Variants in LMNTD1 observed in about 807,000 individuals in gnomAD.
The protein encoded by LMNTD1 is lamin tail domain-containing protein 1.
Under a neutral mutation model 50.9 loss-of-function variants are expected in LMNTD1, and 35 were observed. The observed-to-expected ratio is 0.69, with a 90% CI of 0.53 to 0.91. The LOEUF (loss-of-function observed/expected upper bound fraction) is 0.91, where lower values mean the gene tolerates loss of function less well. Ranked by LOEUF, LMNTD1 falls within the 40% of genes least tolerant of loss-of-function variation. LMNTD1 has a pLI of 0.00. For missense variants in LMNTD1, 470 were observed against 475.5 expected (o/e 0.99, Z 0.11); for synonymous variants, 153 against 161.9 (o/e 0.94, Z 0.42).
chr12:25,573,322 C>T (rs1442942431), intron 1 of LMNTD1, among the ~76,000 whole-genome samples: 4 of 152,170 alleles, frequency 2.6e-5, no homozygotes. Flanking sequence ...CAACCCTTCT[C>T]AGCTGTCTCT....
intron 4 of LMNTD1, among the ~76,000 whole-genome samples, chr12:25,542,653 A>G (rs1487718773): frequency 2.0e-5 from 3 of 151,812 alleles, no homozygotes; most frequent in South Asian, 2.1e-4. Context: ...GCACACTAGC[A>G]TGGCATATGT....
chr12:25,543,167 C>T (rs979669272), intron 4 of LMNTD1, among the ~76,000 whole-genome samples: 1 of 151,834 alleles, frequency 6.6e-6, no homozygotes, highest in Non-Finnish European at 1.5e-5. Flanking sequence ...GCCCAGATGG[C>T]TTCACCAATA....
At chr12:25,594,208 A>G (rs1337448089) in intron 1 of LMNTD1, among the ~76,000 whole-genome samples, 1 of 152,206 alleles carries the variant, frequency 6.6e-6, no homozygotes, top group African/African-American at 2.4e-5. Flanking sequence ...AAGAAGCTCA[A>G]AGAACACCTG....
intron 1 of LMNTD1, among the ~76,000 whole-genome samples, chr12:25,573,397 G>A (rs1182406799): frequency 1.3e-5 from 2 of 152,142 alleles, no homozygotes; most frequent in Non-Finnish European, 2.9e-5. Context: ...TGAGAATTCA[G>A]GCTGGCAGGA....
chr12:25,550,664 G>A (rs1943692355), intron 2 of LMNTD1, among the ~76,000 whole-genome samples: 1 of 152,104 alleles, frequency 6.6e-6, no homozygotes, highest in African/African-American at 2.4e-5. Context: ...AGGAGAATGA[G>A]GGCCTGGAGT....
chr12:25,586,242 G>C (rs928293460), intron 1 of LMNTD1: 1 of 150,814 alleles, frequency 6.6e-6, no homozygotes, highest in Non-Finnish European at 1.5e-5. Context: ...TCCCCATGAT[G>C]ATACCTCTAC....
At chr12:25,488,887 T>A (rs983616142) in intron 9 of LMNTD1, among the ~76,000 whole-genome samples, 4 of 151,728 alleles carry the variant, frequency 2.6e-5, no homozygotes, top group Admixed American at 6.6e-5. Context: ...ATACCCTGCC[T>A]TGTGAGGTGT....
intron 6 of LMNTD1, among the ~76,000 whole-genome samples, chr12:25,525,848 C>T (rs1483019922): frequency 6.6e-6 from 1 of 152,046 alleles, no homozygotes; most frequent in Non-Finnish European, 1.5e-5. Context: ...CTAATGAGTG[C>T]TCTTCCATTT....
At chr12:25,526,697 C>A in intron 5 of LMNTD1, 72 bp downstream of exon 5, 1 of 1,038,530 alleles carries the variant, frequency 9.6e-7, no homozygotes, top group Admixed American at 2.4e-5. Flanking sequence ...CAGTGCTGAG[C>A]CACAGACTGT....
Position 25,549,361 on chromosome 12 carries a change from GTA to G in LMNTD1, c.273_274del (p.Thr92CysfsTer3). The G allele has an allele frequency of 3.7e-6, 6 of 1,611,388 alleles. No homozygotes were observed. Among genetic ancestry groups the G allele is most frequent in the Non-Finnish European group, 5.1e-6 (6 of 1,178,348 alleles). On this transcript the variant is annotated frameshift_variant, in exon 3 of 10. Coordinates refer to ENST00000458174, the MANE Select transcript of LMNTD1 (RefSeq NM_001145728.2). LOFTEE classifies it high-confidence loss of function. ...TTCCACTCTGGAACAGCTACCTACA[GTA>G]GCTTTAGAAGTCAATTGTCCAGTTG...
intron 1 of LMNTD1, among the ~76,000 whole-genome samples, chr12:25,634,810 A>T (rs1334143200): frequency 6.6e-6 from 1 of 152,206 alleles, no homozygotes; most frequent in African/African-American, 2.4e-5. Context: ...TATCCTGAGC[A>T]ATCAGACAAG....
chr12:25,547,108 A>G (rs1943479061), intron 3 of LMNTD1: 1 of 312,826 alleles, frequency 3.2e-6, no homozygotes, highest in African/African-American at 2.2e-5. Flanking sequence ...TCCTATTAGA[A>G]GTTTGCTCTT....
chr12:25,580,024 T>C (rs1945211547), intron 1 of LMNTD1, among the ~76,000 whole-genome samples: 1 of 152,078 alleles, frequency 6.6e-6, no homozygotes, highest in Non-Finnish European at 1.5e-5. Flanking sequence ...CTAAGACAAA[T>C]TTCATTATCA....
At chr12:25,516,400 T>C (rs1940778493) in intron 8 of LMNTD1, among the ~76,000 whole-genome samples, 1 of 152,278 alleles carries the variant, frequency 6.6e-6, no homozygotes, top group African/African-American at 2.4e-5. Flanking sequence ...GAAAAGTGCC[T>C]CAAAAATTTT....
chr12:25,559,075 TA>T (rs1944166486), intron 1 of LMNTD1, among the ~76,000 whole-genome samples: 1 of 152,078 alleles, frequency 6.6e-6, no homozygotes, highest in Non-Finnish European at 1.5e-5. Flanking sequence ...CTTTAAGTTC[TA>T]GGGTACATGT....
chr12:25,607,824 G>C (rs1049103177), intron 1 of LMNTD1, among the ~76,000 whole-genome samples: 11 of 152,158 alleles, frequency 7.2e-5, no homozygotes, highest in Admixed American at 6.5e-4. Flanking sequence ...ATTGGGGGTG[G>C]AGAGTTCTGT....
intron 9 of LMNTD1, among the ~76,000 whole-genome samples, chr12:25,490,905 C>T (rs1394628226): frequency 1.3e-5 from 2 of 152,204 alleles, no homozygotes; most frequent in African/African-American, 4.8e-5. Flanking sequence ...TAATGCAATG[C>T]AACTGCTGTA....
At chr12:25,520,508 T>C (rs1591889230) in intron 6 of LMNTD1, among the ~76,000 whole-genome samples, 1 of 152,306 alleles carries the variant, frequency 6.6e-6, no homozygotes, top group East Asian at 1.9e-4. Context: ...CTTATTTCAC[T>C]CAGCATAATG....
At chr12:25,560,022 G>C (rs1204551132) in intron 1 of LMNTD1, among the ~76,000 whole-genome samples, 1 of 152,100 alleles carries the variant, frequency 6.6e-6, no homozygotes, top group East Asian at 1.9e-4. Context: ...AGTTTCTTTT[G>C]CTGTGCAGAA....
Sources: gnomAD v4.1 joint callset for allele counts (sites outside exome capture counted in the v4.1 genomes callset) on GRCh38, gnomAD v4.1.1 for gene constraint, MANE v1.5 for transcripts, NCBI Gene and HGNC (gene_info 2026-07-23, HGNC 2026-07-21) for gene names.